EFCAB6: variants seen among roughly 807,000 people sequenced by gnomAD.
The protein encoded by EFCAB6 is EF-hand calcium binding domain 6.
In EFCAB6, 156 loss-of-function variants were observed where a neutral mutation model predicts 169.8. The ratio of observed to expected loss-of-function variants is 0.92; its 90% confidence interval spans 0.81 to 1.05. The LOEUF is 1.05. Ranked by LOEUF, EFCAB6 falls within the 50% of genes least tolerant of loss-of-function variation. EFCAB6 has a pLI of 0.00. For synonymous variants in EFCAB6, 698 were observed against 676.4 expected, an observed-to-expected ratio of 1.03 and a Z score of -0.50; for missense variants, 1,800 against 1,829.1, an observed-to-expected ratio of 0.98 and a Z score of 0.29.
At chr22:43,789,992 A>G (rs2062224888) in intron 2 of EFCAB6, among the ~76,000 whole-genome samples, 1 of 152,226 alleles carries the variant, frequency 6.6e-6, no homozygotes, top group Non-Finnish European at 1.5e-5. Flanking sequence ...ATCAGACTAG[A>G]TGATGCTTCT....
intron 17 of EFCAB6, among the ~76,000 whole-genome samples, chr22:43,657,449 T>A (rs2056805368): frequency 6.8e-6 from 1 of 146,238 alleles, no homozygotes; most frequent in Non-Finnish European, 1.5e-5. Context: ...CACTAGAAAA[T>A]CCCAACTGTT....
intron 23 of EFCAB6, among the ~76,000 whole-genome samples, chr22:43,594,467 A>G (rs1046383612): frequency 6.6e-6 from 1 of 152,152 alleles, no homozygotes; most frequent in African/African-American, 2.4e-5. Context: ...ATGCAAATGG[A>G]AACCAATGAA....
chr22:43,787,810 T>A (rs564557757), intron 2 of EFCAB6, among the ~76,000 whole-genome samples: 5 of 151,966 alleles, frequency 3.3e-5, no homozygotes, highest in Middle Eastern at 3.4e-3. Context: ...TCATGAAAAA[T>A]AAAAATAAAG....
chr22:43,661,201 C>T (rs962531460), intron 17 of EFCAB6, among the ~76,000 whole-genome samples: 2 of 151,880 alleles, frequency 1.3e-5, no homozygotes, highest in African/African-American at 4.8e-5. Context: ...ATAGTGAGAC[C>T]TCATCTCTAC....
chr22:43,716,887 G>A lies in EFCAB6; in HGVS notation c.843C>T (p.Asn281=). 6.2e-7 allele frequency: 1 copy of A among 1,603,416 alleles called. No individual in the cohort carries two copies. The highest frequency in any genetic ancestry group is 8.5e-7 in the Non-Finnish European group (1 of 1,175,442). The part of the protein sequence containing the change: ...GSASSEDIWR[N]YSLDEIERNF... ...TCCTCTCAATTTCATCCAAGGAGTA[G>A]TTTCTCCAGATATCTTCAGATGATG... Residue 281 remains asparagine, a synonymous_variant, in exon 9 of 32, where the codon AAC becomes AAT. Transcript: ENST00000262726.
intron 10 of EFCAB6, among the ~76,000 whole-genome samples, chr22:43,700,274 G>C (rs2058721662): frequency 6.6e-6 from 1 of 152,008 alleles, no homozygotes. Flanking sequence ...TTAAGCCCTA[G>C]ATATTGTATA....
chr22:43,628,200 C>T lies in EFCAB6; in HGVS notation c.2233-1521G>A, dbSNP rs1427298585. Among the ~76,000 whole-genome samples, 2 of 152,144 alleles carry T rather than the reference C, an allele frequency of 1.3e-5. No homozygotes were observed. Among genetic ancestry groups the T allele is most frequent in the Non-Finnish European group, 2.9e-5 (2 of 68,020 alleles). On this transcript the variant is annotated intron_variant, in intron 19 of 31. Coordinates refer to ENST00000262726, the MANE Select transcript of EFCAB6 (RefSeq NM_022785.4). This position sits in a 1 kb window ranked among gnomAD's most constrained non-coding sequence, Gnocchi z 4.8. ...TCCACCCCCTGTCCCCACCCTACTC[C>T]TCCTAAGTCTTCCCATCTCAGTAAG...
At chr22:43,560,850 T>C (rs2048984112) in intron 26 of EFCAB6, among the ~76,000 whole-genome samples, 1 of 152,074 alleles carries the variant, frequency 6.6e-6, no homozygotes. Flanking sequence ...GCAGCCACGG[T>C]CCAGGTCATG....
intron 9 of EFCAB6, among the ~76,000 whole-genome samples, chr22:43,715,803 A>G (rs1444295508): frequency 1.3e-5 from 2 of 152,238 alleles, no homozygotes; most frequent in African/African-American, 4.8e-5. Flanking sequence ...CAACTAGAGA[A>G]AACAAATTTA....
intron 8 of EFCAB6, among the ~76,000 whole-genome samples, chr22:43,721,412 C>G (rs563139709): frequency 2.4e-4 from 36 of 152,088 alleles, no homozygotes; most frequent in African/African-American, 8.4e-4. Flanking sequence ...CAAAACAAAA[C>G]AAAACCCAAA....
intron 12 of EFCAB6, among the ~76,000 whole-genome samples, chr22:43,680,347 GC>G (rs1354833650): frequency 6.6e-6 from 1 of 152,000 alleles, no homozygotes; most frequent in African/African-American, 2.4e-5. Context: ...TACTACTATA[GC>G]TTTGCACTAA....
chr22:43,608,458 C>G (rs2053071867), intron 22 of EFCAB6, 24 bp downstream of exon 22: 1 of 1,609,060 alleles, frequency 6.2e-7, no homozygotes, highest in Non-Finnish European at 8.5e-7. Context: ...GAATGGAAAC[C>G]AACCAGTCTC....
chr22:43,673,273 A>G (rs914178924), intron 13 of EFCAB6, among the ~76,000 whole-genome samples: 1 of 152,340 alleles, frequency 6.6e-6, no homozygotes, highest in Non-Finnish European at 1.5e-5. Flanking sequence ...TACTTTATAC[A>G]TATCATTCTC....
At chr22:43,740,983 C>T (rs577817214) in intron 6 of EFCAB6, among the ~76,000 whole-genome samples, 66 of 152,276 alleles carry the variant, frequency 4.3e-4, no homozygotes, top group Middle Eastern at 3.4e-3. Flanking sequence ...CCCACCAGAG[C>T]GACGTCTCCA....
chr22:43,610,863 T>C (rs900312112), intron 21 of EFCAB6, among the ~76,000 whole-genome samples: 2 of 152,112 alleles, frequency 1.3e-5, no homozygotes, highest in Non-Finnish European at 2.9e-5. Flanking sequence ...TCTGAACAAA[T>C]TGGAAAATCA....
intron 19 of EFCAB6, among the ~76,000 whole-genome samples, chr22:43,631,130 G>A (rs2054909958): frequency 6.6e-6 from 1 of 151,754 alleles, no homozygotes; most frequent in Non-Finnish European, 1.5e-5. Flanking sequence ...CTGATACCCA[G>A]TCTCTCGCCC....
rs1330844035 is a variant in EFCAB6, at chr22:43,590,133, T to C, written c.2973A>G (p.Glu991=). 1 of 1,614,208 alleles carries C rather than the reference T, an allele frequency of 6.2e-7. No individual in the cohort carries two copies. The highest frequency in any genetic ancestry group is 1.7e-5 in the Admixed American group (1 of 60,026). ...GAGAACATCCACATTCTTCCAGCAC[T>C]TCCTGCATCTTGCATATGGATATGT... ...TNYISICKMQ[E]VLEECGCSLT... is the part of the protein sequence containing the mutation. Residue 991 remains glutamate, a synonymous_variant, in exon 24 of 32, where the codon GAA becomes GAG. Transcript: ENST00000262726.
At chr22:43,755,617 G>GT (rs2060929267) in intron 6 of EFCAB6, 149 bp downstream of exon 6, 1 of 715,264 alleles carries the variant, frequency 1.4e-6, no homozygotes, top group African/African-American at 1.8e-5. Context: ...GCACTGGCTT[G>GT]TTATCAGAAG....
chr22:43,687,429 T>G, intron 11 of EFCAB6, 42 bp downstream of exon 11: 1 of 1,150,776 alleles, frequency 8.7e-7, no homozygotes, highest in Non-Finnish European at 1.2e-6. Flanking sequence ...CATATTATGA[T>G]ATGTGTAACT....
Sources: gnomAD v4.1 joint callset for allele counts (sites outside exome capture counted in the v4.1 genomes callset) on GRCh38, gnomAD v4.1.1 for gene constraint, Gnocchi (gnomAD v3.1) non-coding constraint, MANE v1.5 for transcripts, NCBI Gene and HGNC (gene_info 2026-07-23, HGNC 2026-07-21) for gene names.